GMDS: variants seen among roughly 807,000 people sequenced by gnomAD.
GMDS encodes GDP-mannose 4,6-dehydratase.
GMDS carries 20 observed loss-of-function variants against 49.9 expected under a neutral mutation model. The ratio of observed to expected loss-of-function variants is 0.40; its 90% CI spans 0.28 to 0.58. The LOEUF is 0.58. GMDS is among the 20% of genes least tolerant of loss of function. GMDS has a pLI of 0.42. For missense variants in GMDS, 362 were observed against 481.4 expected (o/e 0.75, Z 2.32); for synonymous variants, 177 against 178.6 (o/e 0.99, Z 0.07).
chr6:1,802,219 C>T (rs1337413777), intron 7 of GMDS, among the ~76,000 whole-genome samples: 1 of 152,136 alleles, frequency 6.6e-6, no homozygotes, highest in Non-Finnish European at 1.5e-5. Context: ...TTACATTTCC[C>T]ATAAATTAAT....
At chr6:1,760,186 CGAGGTGCCCT>C (rs1561787244) in intron 7 of GMDS, among the ~76,000 whole-genome samples, 1 of 152,170 alleles carries the variant, frequency 6.6e-6, no homozygotes, top group Non-Finnish European at 1.5e-5. Context: ...CCCATTCCTG[CGAGGTGCCCT>C]GAGGCTCCTT....
intron 7 of GMDS, among the ~76,000 whole-genome samples, chr6:1,851,064 C>T (rs1757644249): frequency 6.6e-6 from 1 of 152,182 alleles, no homozygotes; most frequent in Non-Finnish European, 1.5e-5. Flanking sequence ...ACAGCAAATG[C>T]TCTATCAGGC....
intron 9 of GMDS, among the ~76,000 whole-genome samples, chr6:1,662,847 A>ATG: frequency 6.6e-6 from 1 of 152,188 alleles, no homozygotes; most frequent in Non-Finnish European, 1.5e-5. Context: ...GCTGGGAGGA[A>ATG]TGCTACTTTG....
At chr6:1,920,866 C>A (rs577022041) in intron 7 of GMDS, among the ~76,000 whole-genome samples, 1 of 152,212 alleles carries the variant, frequency 6.6e-6, no homozygotes, top group African/African-American at 2.4e-5. Flanking sequence ...GAATAGCTAA[C>A]CTAAGTGTGA....
intron 1 of GMDS, among the ~76,000 whole-genome samples, chr6:2,192,135 TA>T: frequency 6.6e-6 from 1 of 152,252 alleles, no homozygotes; most frequent in Admixed American, 6.5e-5. Flanking sequence ...CCACCCACTC[TA>T]GGGCCTCCTC....
chr6:2,167,548 G>T (rs1777728574), intron 1 of GMDS, among the ~76,000 whole-genome samples: 1 of 152,074 alleles, frequency 6.6e-6, no homozygotes, highest in South Asian at 2.1e-4. Flanking sequence ...CAACTTTACA[G>T]GTCCCCCATA....
Position 1,802,090 on chromosome 6 carries a change from G to A in GMDS, c.772-59504C>T, listed in dbSNP as rs561246571. 4.6e-4 allele frequency among the ~76,000 whole-genome samples: 70 copies of A among 152,290 alleles called. 1 individual carries two copies. The highest frequency in any genetic ancestry group is 1.5e-3 in the African/African-American group (64 of 41,558). On this transcript the variant is annotated intron_variant, in intron 7 of 10. Transcript: ENST00000380815. ...GCCATATTTGCCTAAATAGAAAAACGGAGATGCAGTACCACCTAAAGTGAA... is the reference window on the plus strand; with the variant it reads ...GCCATATTTGCCTAAATAGAAAAACAGAGATGCAGTACCACCTAAAGTGAA...
At chr6:1,912,364 T>TA (rs137939261) in intron 7 of GMDS, among the ~76,000 whole-genome samples, 2 of 152,014 alleles carry the variant, frequency 1.3e-5, no homozygotes, top group Admixed American at 6.6e-5. Flanking sequence ...AGACTTTGTC[T>TA]AAAAAAAATT....
intron 4 of GMDS, among the ~76,000 whole-genome samples, chr6:2,035,614 G>T (rs548292733): frequency 6.6e-6 from 1 of 151,996 alleles, no homozygotes; most frequent in Non-Finnish European, 1.5e-5. Context: ...TATTACCTAT[G>T]GTCAAGTTAT....
chr6:1,831,343 C>G (rs765365589), intron 7 of GMDS, among the ~76,000 whole-genome samples: 25 of 152,344 alleles, frequency 1.6e-4, no homozygotes, highest in Non-Finnish European at 2.8e-4. Flanking sequence ...TGCCATTTCT[C>G]AGTTTCTTTA....
intron 1 of GMDS, among the ~76,000 whole-genome samples, chr6:2,204,434 G>T (rs1779694373): frequency 6.6e-6 from 1 of 152,074 alleles, no homozygotes; most frequent in Non-Finnish European, 1.5e-5. Context: ...ACCAAATATT[G>T]CTCATGTGCC....
chr6:2,064,347 T>C (rs1237652112), intron 4 of GMDS, among the ~76,000 whole-genome samples: 3 of 152,080 alleles, frequency 2.0e-5, no homozygotes, highest in Non-Finnish European at 2.9e-5. Flanking sequence ...GAATAAGAAA[T>C]AAGGCCAATA....
At chr6:2,037,862 A>T (rs1348928260) in intron 4 of GMDS, among the ~76,000 whole-genome samples, 1 of 152,216 alleles carries the variant, frequency 6.6e-6, no homozygotes, top group Non-Finnish European at 1.5e-5. Context: ...GCAAATGAAG[A>T]CAAGAGAGCA....
intron 1 of GMDS, among the ~76,000 whole-genome samples, chr6:2,157,364 T>G (rs113613280): frequency 1.2e-4 from 18 of 152,344 alleles, no homozygotes; most frequent in African/African-American, 4.1e-4. Flanking sequence ...TCTTTCTGAC[T>G]GTGGGCAATA....
At chr6:1,842,004 C>T (rs1014212753) in intron 7 of GMDS, among the ~76,000 whole-genome samples, 10 of 152,190 alleles carry the variant, frequency 6.6e-5, no homozygotes, top group African/African-American at 1.4e-4. Context: ...CAGACTTCTA[C>T]GTGACACACA....
At chr6:1,842,036 C>A (rs1421131151) in intron 7 of GMDS, among the ~76,000 whole-genome samples, 1 of 152,238 alleles carries the variant, frequency 6.6e-6, no homozygotes, top group Non-Finnish European at 1.5e-5. Context: ...CCAGGCTCAT[C>A]CCCTGTGACT....
intron 1 of GMDS, among the ~76,000 whole-genome samples, chr6:2,137,811 C>A (rs966965402): frequency 1.3e-5 from 2 of 152,346 alleles, no homozygotes; most frequent in South Asian, 2.1e-4. Flanking sequence ...TCTTCCATTT[C>A]TTTCTGCAGG....
rs554289661 is a variant in GMDS at position 1,652,142 on chromosome 6, C to T, written c.988-27602G>A. On this transcript the variant is annotated intron_variant, in intron 9 of 10. Transcript: ENST00000380815. ...AATCCCAGCACTTTGGGAGGCGAGG[C>T]GGGTGGATCATCTGAGGTCAAGAGT... Among the ~76,000 whole-genome samples the T allele has an allele frequency of 6.7e-5, 10 of 150,368 alleles. 1 individual carries two copies. Among genetic ancestry groups the T allele is most frequent in the African/African-American group, 1.5e-4 (6 of 40,874 alleles).
chr6:2,139,926 C>T (rs772190197), intron 1 of GMDS, among the ~76,000 whole-genome samples: 3 of 152,180 alleles, frequency 2.0e-5, no homozygotes, highest in Non-Finnish European at 2.9e-5. Flanking sequence ...AAGATAAATG[C>T]TGCAGATAAA....
Sources: gnomAD v4.1 joint callset for allele counts (sites outside exome capture counted in the v4.1 genomes callset) on GRCh38, gnomAD v4.1.1 for gene constraint, MANE v1.5 for transcripts, NCBI Gene and HGNC (gene_info 2026-07-23, HGNC 2026-07-21) for gene names.